The following APOBEC3F variants were observed in gnomAD, a reference collection of about 807,000 sequenced individuals.
The protein encoded by APOBEC3F is DNA dC->dU-editing enzyme APOBEC-3F.
In APOBEC3F, 34 loss-of-function variants were observed where a neutral mutation model predicts 45.8. The ratio of observed to expected loss-of-function variants is 0.74; its 90% CI spans 0.57 to 0.99. APOBEC3F has a LOEUF of 0.99. Ranked by LOEUF, APOBEC3F falls within the 50% of genes least tolerant of loss-of-function variation. The pLI is 0.00. For synonymous variants in APOBEC3F, 192 were observed against 174.4 expected, an observed-to-expected ratio of 1.10 and a Z score of -0.80; for missense variants, 459 against 474.1, an observed-to-expected ratio of 0.97 and a Z score of 0.30.
chr22:39,048,901 C>T (rs1489096967), intron 4 of APOBEC3F, among the ~76,000 whole-genome samples: 3 of 152,114 alleles, frequency 2.0e-5, no homozygotes, highest in African/African-American at 7.2e-5. Flanking sequence ...AGGAGAATCA[C>T]TTCAACCCGG....
Position 39,043,530 on chromosome 22 carries a change from G to A in APOBEC3F, c.171+440G>A, listed in dbSNP as rs1015495330. On this transcript the variant is annotated intron_variant, in intron 2 of 6. Transcript: ENST00000308521. The stretch of plus-strand genomic sequence containing the variant: ...TTACCATATTCACCAGGCTGGTCTC[G>A]AACTTCTGACCTCAGGTGATCCACC... 1.5e-3 allele frequency among the ~76,000 whole-genome samples: 216 copies of A among 147,808 alleles called. 1 individual carries two copies. The highest frequency in any genetic ancestry group is 1.1e-3 in the Non-Finnish European group (77 of 67,154).
Position 39,044,904 on chromosome 22 carries a change from C to G in APOBEC3F, c.172-37C>G, listed in dbSNP as rs767013641. On this transcript the variant is annotated intron_variant, in intron 2 of 6. Transcript: ENST00000308521. ...CACCCCTGCACTCCTCCTGCTCCCC[C>G]TCTCAGAGCATCCCCTGCCCCCTGC... 1.4e-5 allele frequency: 22 copies of G among 1,586,504 alleles called. No homozygotes were observed. The South Asian group carries it at 1.9e-4, about 13-fold the overall frequency.
At chr22:39,047,747 T>C (rs1464713926) in intron 4 of APOBEC3F, among the ~76,000 whole-genome samples, 1 of 145,506 alleles carries the variant, frequency 6.9e-6, no homozygotes, top group Admixed American at 6.9e-5. Context: ...CTGCTGAGAC[T>C]CTCCCCCGAA....
intron 2 of APOBEC3F, among the ~76,000 whole-genome samples, chr22:39,043,897 C>T (rs1394776065): frequency 2.0e-5 from 3 of 151,898 alleles, no homozygotes; most frequent in Non-Finnish European, 2.9e-5. Flanking sequence ...TGGTGGCAGT[C>T]GCCTGTAATC....
intron 1 of APOBEC3F, among the ~76,000 whole-genome samples, chr22:39,042,039 C>T (rs980294118): frequency 1.4e-4 from 21 of 152,204 alleles, no homozygotes; most frequent in Admixed American, 1.0e-3. Flanking sequence ...GAGGCCCCAG[C>T]CCCATCCGTC....
chr22:39,050,061 A>G (rs1927410906), intron 5 of APOBEC3F, among the ~76,000 whole-genome samples: 1 of 151,882 alleles, frequency 6.6e-6, no homozygotes, highest in Non-Finnish European at 1.5e-5. Context: ...TCCTGGGATC[A>G]GATTGTCGAG....
chr22:39,052,052 C>T (rs1373894471), intron 5 of APOBEC3F, 22 bp from the exon 6 acceptor site: 8 of 1,583,280 alleles, frequency 5.1e-6, no homozygotes, highest in Non-Finnish European at 6.9e-6. Flanking sequence ...GCTCCCCTGC[C>T]CTCCTCCTCC....
chr22:39,044,881 C>A (rs1178573521), intron 2 of APOBEC3F, 60 bp from the exon 3 acceptor site: 13 of 1,505,882 alleles, frequency 8.6e-6, no homozygotes, highest in Non-Finnish European at 1.2e-5. Context: ...CCCTGCCCCA[C>A]CCCTGCACTC....
At chr22:39,051,623 C>G (rs1459686289) in intron 5 of APOBEC3F, among the ~76,000 whole-genome samples, 1 of 151,634 alleles carries the variant, frequency 6.6e-6, no homozygotes, top group Non-Finnish European at 1.5e-5. Context: ...GAGTAAAAAG[C>G]CCTGGGGCCT....
At chr22:39,051,238 C>G (rs1426885127) in intron 5 of APOBEC3F, among the ~76,000 whole-genome samples, 1 of 145,230 alleles carries the variant, frequency 6.9e-6, no homozygotes, top group Non-Finnish European at 1.5e-5. Flanking sequence ...CTCTGTCACT[C>G]AAAAAGATAA....
chr22:39,052,401 G>GA, intron 6 of APOBEC3F, 48 bp downstream of exon 6: 1 of 1,605,870 alleles, frequency 6.2e-7, no homozygotes, highest in Admixed American at 1.7e-5. Flanking sequence ...GGGACAGCAT[G>GA]AGGGGCAGGT....
In APOBEC3F at chr22:39,052,647, A is replaced by C. The variant is rs1352117066; in HGVS notation, c.1074A>C (p.Lys358Asn). 17 of 1,614,134 alleles carry C rather than the reference A, an allele frequency of 1.1e-5. No homozygotes were observed. The highest frequency in any genetic ancestry group is 1.4e-5 in the Non-Finnish European group (17 of 1,180,002). Residue 358 changes from lysine to asparagine, a missense_variant, in exon 7 of 7, where the codon AAA becomes AAC. Physicochemically the swap from Lys to Asn is moderately conservative, Grantham distance 94. Coordinates refer to ENST00000308521, the MANE Select transcript of APOBEC3F (RefSeq NM_145298.6). ...DEPFKPWKGL[K>N]YNFLFLDSKL... ...CATTCAAGCCTTGGAAAGGACTAAA[A>C]TACAACTTTCTATTCCTGGACAGCA...
At chr22:39,044,863 C>T (rs1480014303) in intron 2 of APOBEC3F, 78 bp from the exon 3 acceptor site, 77 of 1,348,712 alleles carry the variant, frequency 5.7e-5, no homozygotes, top group Non-Finnish European at 7.7e-5. Context: ...TGTCCTGGCC[C>T]CTCCTCTCCC....
Position 39,045,499 on chromosome 22 carries a change from G to A in APOBEC3F, c.523G>A (p.Asp175Asn). The change falls in exon 4 of 7, where the codon GAC (aspartate) becomes AAC (asparagine). Residue 175 changes from aspartate (D) to asparagine (N), a missense_variant. By Grantham distance (23) the Asp-to-Asn change is conservative. Coordinates refer to ENST00000308521, the MANE Select transcript of APOBEC3F (RefSeq NM_145298.6). ...QPFMPWYKFD[D>N]NYAFLHRTLK... ...ATTCATGCCTTGGTACAAATTCGATGACAATTATGCATTCCTGCACCGCAC... is the reference window on the plus strand; with the variant it reads ...ATTCATGCCTTGGTACAAATTCGATAACAATTATGCATTCCTGCACCGCAC... 6.2e-7 allele frequency: 1 copy of A among 1,614,162 alleles called. No individual in the cohort carries two copies. Among genetic ancestry groups the A allele is most frequent in the Non-Finnish European group, 8.5e-7 (1 of 1,180,012 alleles).
chr22:39,052,159 A>T lies in APOBEC3F; in HGVS notation c.809A>T (p.Glu270Val). The change falls in exon 6 of 7, where the codon GAG becomes GTG. Residue 270 changes from glutamate (E) to valine (V), a missense_variant. By Grantham distance (121) the Glu-to-Val change is moderately radical. Transcript: ENST00000308521. Reference sequence around the variant, plus strand: ...ATACTGTCTCCTAACACAAACTACGAGGTCACCTGGTACACATCTTGGAGC... The same window carrying T: ...ATACTGTCTCCTAACACAAACTACGTGGTCACCTGGTACACATCTTGGAGC... ...DDILSPNTNYEVTWYTSWSPC... is the reference protein window; with the variant it reads ...DDILSPNTNYVVTWYTSWSPC... 6.2e-7 allele frequency: 1 copy of T among 1,614,054 alleles called. No homozygotes were observed. Among genetic ancestry groups the T allele is most frequent in the Non-Finnish European group, 8.5e-7 (1 of 1,179,948 alleles).
chr22:39,044,913 C>T (rs1230636106), intron 2 of APOBEC3F, 28 bp from the exon 3 acceptor site: 1 of 1,598,432 alleles, frequency 6.3e-7, no homozygotes, highest in South Asian at 1.1e-5. Flanking sequence ...CCTCTCAGAG[C>T]ATCCCCTGCC....
intron 1 of APOBEC3F, among the ~76,000 whole-genome samples, chr22:39,042,201 G>C (rs745839759): frequency 6.6e-6 from 1 of 152,298 alleles, no homozygotes; most frequent in African/African-American, 2.4e-5. Context: ...CTCAGAATTC[G>C]GTTCTACCAT....
intron 1 of APOBEC3F, 27 bp from the exon 2 acceptor site, chr22:39,042,910 T>C: frequency 1.2e-6 from 2 of 1,612,954 alleles, no homozygotes; most frequent in Non-Finnish European, 8.5e-7. Flanking sequence ...CTCTCTACAT[T>C]GGCTGGTTTC....
chr22:39,042,308 CT>C (rs1926949803), intron 1 of APOBEC3F, among the ~76,000 whole-genome samples: 1 of 95,478 alleles, frequency 1.0e-5, no homozygotes. Flanking sequence ...TATTCTCTCT[CT>C]CTTTTTTTTT....
Sources: allele counts gnomAD v4.1 joint callset (sites outside exome capture counted in the v4.1 genomes callset), GRCh38; gene constraint gnomAD v4.1.1; transcripts MANE v1.5; gene names NCBI Gene and HGNC (gene_info 2026-07-23, HGNC 2026-07-21).